FOXP2: variants seen among roughly 807,000 people sequenced by gnomAD.
The protein encoded by FOXP2 is forkhead box P2.
A neutral mutation model predicts 115.8 loss-of-function variants in FOXP2; 12 were observed. The ratio of observed to expected loss-of-function variants is 0.10; its 90% CI spans 0.07 to 0.17. The LOEUF is 0.17. FOXP2 is among the 10% of genes least tolerant of loss of function. FOXP2 has a pLI of 1.00. For missense variants in FOXP2, 629 were observed against 843.5 expected, an observed-to-expected ratio of 0.75 and a Z score of 3.15; for synonymous variants, 328 against 297.7, an observed-to-expected ratio of 1.10 and a Z score of -1.05.
intron 1 of FOXP2, among the ~76,000 whole-genome samples, chr7:114,219,199 CA>C (rs1794558435): frequency 6.6e-6 from 1 of 151,826 alleles, no homozygotes; most frequent in Non-Finnish European, 1.5e-5. Context: ...TTTTCAAATA[CA>C]AAAGATTATA....
intron 1 of FOXP2, among the ~76,000 whole-genome samples, chr7:114,114,142 A>T (rs1189514376): frequency 1.3e-5 from 2 of 151,912 alleles, no homozygotes; most frequent in Non-Finnish European, 1.5e-5. Flanking sequence ...TGAAAGAGAG[A>T]GAGTGCTCCT....
At chr7:114,438,308 T>C (rs984797804) in intron 2 of FOXP2, among the ~76,000 whole-genome samples, 2 of 152,136 alleles carry the variant, frequency 1.3e-5, no homozygotes, top group African/African-American at 4.8e-5. Context: ...TTCAAGTGTT[T>C]TGTTAATTCT....
intron 3 of FOXP2, among the ~76,000 whole-genome samples, chr7:114,585,248 C>G (rs998396016): frequency 2.6e-5 from 4 of 152,080 alleles, no homozygotes; most frequent in African/African-American, 4.8e-5. Flanking sequence ...ACTTGCGTAG[C>G]CATCAGGGTG....
rs11327459 is a variant in FOXP2 at position 114,676,075 on chromosome 7, A to ATTT, written c.2003+11662_2003+11664dup. The stretch of plus-strand genomic sequence containing the variant: ...CAGATATACACCACCAGGCCCGGCT[A>ATTT]TTTTTTTTTTTTTTTTTTTTTTTTT... On this transcript the variant is annotated intron_variant, in intron 16 of 16. Transcript: ENST00000350908. 5.2e-3 allele frequency among the ~76,000 whole-genome samples: 469 copies of ATTT among 89,550 alleles called. 5 individuals carry two copies. The highest frequency in any genetic ancestry group is 0.021 in the African/African-American group (421 of 20,358). 58.7% of individuals were successfully genotyped at this position (89,550 alleles called of 152,430 possible).
chr7:114,636,845 G>A (rs943927945), intron 6 of FOXP2, among the ~76,000 whole-genome samples: 5 of 152,032 alleles, frequency 3.3e-5, no homozygotes, highest in African/African-American at 1.2e-4. Context: ...TTGTCATCTT[G>A]TAGATACTCC....
chr7:114,117,855 T>C (rs1791451292), intron 1 of FOXP2, among the ~76,000 whole-genome samples: 1 of 152,110 alleles, frequency 6.6e-6, no homozygotes, highest in Admixed American at 6.6e-5. Context: ...CTCTTCTGGT[T>C]TGCAGACTGA....
chr7:114,188,307 A>G (rs192788159), intron 1 of FOXP2, among the ~76,000 whole-genome samples: 1 of 151,990 alleles, frequency 6.6e-6, no homozygotes, highest in African/African-American at 2.4e-5. Flanking sequence ...TTCTTCATCT[A>G]TTGGTACTTT....
At chr7:114,287,748 A>G (rs1033078141) in intron 1 of FOXP2, among the ~76,000 whole-genome samples, 6 of 151,994 alleles carry the variant, frequency 3.9e-5, no homozygotes, top group African/African-American at 1.4e-4. Flanking sequence ...AGAGTGGGAA[A>G]CAAAATCTCC....
chr7:114,471,582 T>C (rs1796047023), intron 2 of FOXP2, among the ~76,000 whole-genome samples: 1 of 152,202 alleles, frequency 6.6e-6, no homozygotes, highest in Non-Finnish European at 1.5e-5. Flanking sequence ...TGATTGCTCC[T>C]TTTCATTTCC....
chr7:114,149,887 A>AG (rs1792485314), intron 1 of FOXP2, among the ~76,000 whole-genome samples: 1 of 152,196 alleles, frequency 6.6e-6, no homozygotes, highest in Non-Finnish European at 1.5e-5. Flanking sequence ...GTAGTGAAAT[A>AG]GAGCCAGGAA....
At chr7:114,286,011 G>A (rs995248600) in intron 1 of FOXP2, among the ~76,000 whole-genome samples, 1 of 151,806 alleles carries the variant, frequency 6.6e-6, no homozygotes, top group African/African-American at 2.4e-5. Context: ...TTACATGTGT[G>A]TCTCAAAAAT....
intron 1 of FOXP2, among the ~76,000 whole-genome samples, chr7:114,177,385 A>G (rs996170916): frequency 1.3e-5 from 2 of 152,066 alleles, no homozygotes; most frequent in African/African-American, 4.8e-5. Flanking sequence ...ACATTTTGTC[A>G]ACACTTAGGT....
intron 1 of FOXP2, among the ~76,000 whole-genome samples, chr7:114,135,561 T>C: frequency 6.6e-6 from 1 of 152,088 alleles, no homozygotes; most frequent in Non-Finnish European, 1.5e-5. Context: ...CTTGCTTAGA[T>C]GAAAAATATG....
intron 2 of FOXP2, among the ~76,000 whole-genome samples, chr7:114,428,973 C>G (rs1793989570): frequency 6.6e-6 from 1 of 151,240 alleles, no homozygotes; most frequent in Non-Finnish European, 1.5e-5. Context: ...CATTGTTGAC[C>G]AAGATCTTTT....
At chr7:114,550,478 C>T (rs1029205486) in intron 3 of FOXP2, among the ~76,000 whole-genome samples, 1 of 152,158 alleles carries the variant, frequency 6.6e-6, no homozygotes, top group Non-Finnish European at 1.5e-5. Flanking sequence ...CCTTTTCTCT[C>T]TCTCTTTCTT....
chr7:114,464,728 C>A (rs1015113478), intron 2 of FOXP2, among the ~76,000 whole-genome samples: 1 of 152,160 alleles, frequency 6.6e-6, no homozygotes, highest in African/African-American at 2.4e-5. Context: ...TCAAGAAAAA[C>A]AAAAATATTC....
chr7:114,676,700 A>G (rs1394380932), intron 16 of FOXP2, among the ~76,000 whole-genome samples: 2 of 152,186 alleles, frequency 1.3e-5, no homozygotes, highest in African/African-American at 4.8e-5. Flanking sequence ...ATTACTTTTA[A>G]AAGGTATGCT....
intron 1 of FOXP2, among the ~76,000 whole-genome samples, chr7:114,142,174 C>T (rs897644045): frequency 2.0e-5 from 3 of 152,120 alleles, no homozygotes; most frequent in Non-Finnish European, 4.4e-5. Context: ...AGGTGCCCAC[C>T]ACCACGTCCA....
intron 6 of FOXP2, 123 bp from the exon 7 acceptor site, chr7:114,642,287 A>T: frequency 1.7e-5 from 13 of 749,912 alleles, no homozygotes; most frequent in Admixed American, 1.5e-4. Context: ...TTTTTGTTGT[A>T]TATTAATTTA....
Sources: gnomAD v4.1 joint callset for allele counts (sites outside exome capture counted in the v4.1 genomes callset) on GRCh38, gnomAD v4.1.1 for gene constraint, MANE v1.5 for transcripts, NCBI Gene and HGNC (gene_info 2026-07-23, HGNC 2026-07-21) for gene names.